MLLT1: variants seen among roughly 807,000 people sequenced by gnomAD.
MLLT1 encodes protein ENL.
A neutral mutation model predicts 55.1 loss-of-function variants in MLLT1; 11 were observed. That is an observed-to-expected ratio of 0.20 (90% CI 0.13 to 0.33). The LOEUF is 0.33. Ranked by LOEUF, MLLT1 falls within the 10% of genes least tolerant of loss-of-function variation. The pLI, the probability that MLLT1 is intolerant of heterozygous loss-of-function variation, is 1.00. For synonymous variants in MLLT1, 323 were observed against 320.1 expected (o/e 1.01, Z -0.10); for missense variants, 536 against 760.6 (o/e 0.70, Z 3.47).
In MLLT1 at chr19:6,270,879, G is replaced by A; in HGVS notation, c.13-120C>T. 2.1e-6 allele frequency: 2 copies of A among 957,686 alleles called. No homozygotes were observed. The highest frequency in any genetic ancestry group is 3.0e-6 in the Non-Finnish European group (2 of 662,768). 59.3% of individuals were successfully genotyped at this position (957,686 alleles called of 1,614,324 possible). Reference sequence around the variant, plus strand: ...AGCAGTGCAATACGCTCTCAACCCAGTGAGCAGCACACAGACGGCTTCCTA... The same window carrying A: ...AGCAGTGCAATACGCTCTCAACCCAATGAGCAGCACACAGACGGCTTCCTA... On this transcript the variant is annotated intron_variant, in intron 1 of 11. Transcript: ENST00000252674. The surrounding 1 kb of genome is among the most constrained non-coding windows in gnomAD (Gnocchi z 7.1).
intron 1 of MLLT1, among the ~76,000 whole-genome samples, chr19:6,271,731 A>G (rs1180356292): frequency 2.0e-5 from 3 of 152,216 alleles, no homozygotes; most frequent in Non-Finnish European, 4.4e-5. Context: ...TTACAAAATA[A>G]AGCAGCAGCC....
In MLLT1 at chr19:6,216,429, T is replaced by C. The variant is rs780531684; in HGVS notation, c.1283A>G (p.Lys428Arg). The change falls in exon 8 of 12, where the codon AAG (lysine) becomes AGG (arginine). Residue 428 changes from lysine to arginine, a missense_variant. Transcript: ENST00000252674. ...DSSSGEEAAG[K>R]TNPGRDSRLS... ...CCTGGAGTCCCTCCCCGGGTTGGTC[T>C]TGCCGGCAGCCTCCTCGCCTGACGA... The C allele has an allele frequency of 2.5e-6, 4 of 1,608,726 alleles. No homozygotes were observed. Among genetic ancestry groups the C allele is most frequent in the African/African-American group, 1.3e-5 (1 of 74,842 alleles).
chr19:6,268,387 T>C (rs1048295087), intron 2 of MLLT1, among the ~76,000 whole-genome samples: 1 of 138,120 alleles, frequency 7.2e-6, no homozygotes, highest in Non-Finnish European at 1.5e-5. Flanking sequence ...ATTTAAAAAA[T>C]CAAGAAATAA....
At chr19:6,267,895 A>G (rs1408948737) in intron 2 of MLLT1, among the ~76,000 whole-genome samples, 1 of 152,190 alleles carries the variant, frequency 6.6e-6, no homozygotes, top group Non-Finnish European at 1.5e-5. Context: ...AAACACTAAC[A>G]AAAGCTGACC....
At chr19:6,260,282 G>A (rs1262335824) in intron 3 of MLLT1, among the ~76,000 whole-genome samples, 1 of 152,194 alleles carries the variant, frequency 6.6e-6, no homozygotes, top group Admixed American at 6.5e-5. Flanking sequence ...CAGGATGCAA[G>A]GGTGGAGCTT....
rs2091412454 is a variant in MLLT1, at chr19:6,273,778, T to A, written c.13-3019A>T. On this transcript the variant is annotated intron_variant, in intron 1 of 11. Coordinates refer to ENST00000252674, the MANE Select transcript of MLLT1 (RefSeq NM_005934.4). The surrounding 1 kb of genome is among the most constrained non-coding windows in gnomAD (Gnocchi z 4.3). ...TTCTGTGGAGCTGACTCCCACACAA[T>A]GACAGTGTCTCCTCGGAATCGCTTA... Among the ~76,000 whole-genome samples, 1 of 152,178 alleles carries A rather than the reference T, an allele frequency of 6.6e-6. No individual in the cohort carries two copies. The highest frequency in any genetic ancestry group is 1.5e-5 in the Non-Finnish European group (1 of 68,038).
intron 2 of MLLT1, chr19:6,263,310 A>G (rs537831897): frequency 1.3e-5 from 2 of 152,514 alleles, no homozygotes; most frequent in South Asian, 4.1e-4. Flanking sequence ...AGGCACGGGC[A>G]TGGGCAGTGG....
At chr19:6,215,718 G>A (rs369880534) in intron 8 of MLLT1, among the ~76,000 whole-genome samples, 45 of 152,198 alleles carry the variant, frequency 3.0e-4, no homozygotes, top group African/African-American at 9.6e-4. Context: ...TCAGCCTCAC[G>A]GGAGGAGGGG....
At chr19:6,217,823 C>G in intron 7 of MLLT1, 131 bp downstream of exon 7, 2 of 1,346,162 alleles carry the variant, frequency 1.5e-6, no homozygotes, top group South Asian at 3.2e-5. Flanking sequence ...CCCAGGCCAC[C>G]AAAACCCTCC....
intron 3 of MLLT1, among the ~76,000 whole-genome samples, chr19:6,250,221 C>A (rs777588588): frequency 2.0e-5 from 3 of 152,134 alleles, no homozygotes; most frequent in Non-Finnish European, 4.4e-5. Flanking sequence ...CCATTTCACA[C>A]CCACAGGGAT....
At chr19:6,242,611 T>G (rs772724848) in intron 3 of MLLT1, among the ~76,000 whole-genome samples, 1 of 152,236 alleles carries the variant, frequency 6.6e-6, no homozygotes, top group African/African-American at 2.4e-5. Flanking sequence ...GTACCCCTCA[T>G]GTGCTTTCTC....
At position 6,226,419 on chromosome 19, in the gene MLLT1, C is replaced by T. The variant is rs1217590404; in HGVS notation, c.546+558G>A. Among the ~76,000 whole-genome samples the T allele has an allele frequency of 6.6e-6, 1 of 152,236 alleles. No homozygotes were observed. Among genetic ancestry groups the T allele is most frequent in the East Asian group, 1.9e-4 (1 of 5,204 alleles). ...GAAGCCTCAGAAAGGCCGAGTGCCACCCACCTGACCGACTGGGCCGAGATG... is the reference window on the plus strand; with the variant it reads ...GAAGCCTCAGAAAGGCCGAGTGCCATCCACCTGACCGACTGGGCCGAGATG... On this transcript the variant is annotated intron_variant, in intron 5 of 11. Transcript: ENST00000252674. This position sits in a 1 kb window ranked among gnomAD's most constrained non-coding sequence, Gnocchi z 6.3.
rs767243408 is a variant in MLLT1 at position 6,222,621 on chromosome 19, G to A, written c.610C>T (p.Arg204Trp). 1.0e-5 allele frequency: 16 copies of A among 1,586,558 alleles called. No individual in the cohort carries two copies. The highest frequency in any genetic ancestry group is 4.5e-5 in the East Asian group (2 of 44,476). ...TTGCTCTCGGAGTCTTTGCGGGGCC[G>A]CTCCCGGTGCTCCTTGGTCACCTTG... ...PHKVTKEHRE[R>W]PRKDSESKSS... Residue 204 changes from arginine to tryptophan, a missense_variant, in exon 6 of 12, where the codon CGG becomes TGG. By Grantham distance (101) the Arg-to-Trp change is moderately radical. Coordinates refer to ENST00000252674, the MANE Select transcript of MLLT1 (RefSeq NM_005934.4). This position sits in a 1 kb window ranked among gnomAD's most constrained non-coding sequence, Gnocchi z 4.1.
At chr19:6,224,624 T>C (rs118156145) in intron 5 of MLLT1, among the ~76,000 whole-genome samples, 5,830 of 152,304 alleles carry the variant, frequency 0.038, 189 homozygotes, top group East Asian at 0.14. Context: ...TGAGCCGCCA[T>C]TGCCACCAGG....
chr19:6,255,824 C>A (rs2091252315), intron 3 of MLLT1, among the ~76,000 whole-genome samples: 1 of 152,178 alleles, frequency 6.6e-6, no homozygotes, highest in Non-Finnish European at 1.5e-5. Context: ...TCACACTTGC[C>A]AATTTCAAAA....
At chr19:6,269,905 C>T (rs541798229) in intron 2 of MLLT1, among the ~76,000 whole-genome samples, 66 of 152,318 alleles carry the variant, frequency 4.3e-4, no homozygotes, top group Non-Finnish European at 2.2e-4. Flanking sequence ...AAAGTAGACG[C>T]GGCCCCAGCC....
At chr19:6,255,122 T>TG (rs1300478501) in intron 3 of MLLT1, among the ~76,000 whole-genome samples, 1 of 152,184 alleles carries the variant, frequency 6.6e-6, no homozygotes, top group African/African-American at 2.4e-5. Context: ...GCTGTGCTTC[T>TG]ATACACCTGC....
In MLLT1 at chr19:6,254,482, C is replaced by T. The variant is rs192876962; in HGVS notation, c.276+7746G>A. ...AGTACAGGTGGCAGTCTGGGACTCG[C>T]GACTGGCATCTGAAGTGGGGGCTGT... On this transcript the variant is annotated intron_variant, in intron 3 of 11. Coordinates refer to ENST00000252674, the MANE Select transcript of MLLT1 (RefSeq NM_005934.4). Among the ~76,000 whole-genome samples the T allele has an allele frequency of 3.9e-5, 6 of 152,214 alleles. No homozygotes were observed. In the South Asian group the frequency reaches 6.2e-4, roughly 16 times the overall value.
chr19:6,265,440 G>A (rs1206934574), intron 2 of MLLT1, among the ~76,000 whole-genome samples: 1 of 152,204 alleles, frequency 6.6e-6, no homozygotes, highest in African/African-American at 2.4e-5. Context: ...GGAGGCTGAG[G>A]AAGGCGAATC....
Sources: allele counts gnomAD v4.1 joint callset (sites outside exome capture counted in the v4.1 genomes callset), GRCh38; gene constraint gnomAD v4.1.1; non-coding constraint Gnocchi (gnomAD v3.1); transcripts MANE v1.5; gene names NCBI Gene and HGNC (gene_info 2026-07-23, HGNC 2026-07-21).